Variants in SDK1 observed in about 807,000 individuals in gnomAD.
SDK1 encodes sidekick cell adhesion molecule 1, also known as protein sidekick-1.
A neutral mutation model predicts 245.5 loss-of-function variants in SDK1; 157 were observed. The ratio of observed to expected loss-of-function variants is 0.64; its 90% confidence interval spans 0.56 to 0.73. The LOEUF (loss-of-function observed/expected upper bound fraction) is 0.73. Ranked by LOEUF, SDK1 falls within the 30% of genes least tolerant of loss-of-function variation. The probability of loss-of-function intolerance (pLI) is 0.00; values close to 1 mark genes in which losing one functional copy is unlikely to be tolerated. For missense variants in SDK1, 3,583 were observed against 3,002.3 expected, an observed-to-expected ratio of 1.19 and a Z score of -4.52; for synonymous variants, 1,647 against 1,278.5, an observed-to-expected ratio of 1.29 and a Z score of -6.15.
chr7:4,100,410 A>G (rs1173774646), intron 22 of SDK1, among the ~76,000 whole-genome samples: 1 of 152,164 alleles, frequency 6.6e-6, no homozygotes, highest in Non-Finnish European at 1.5e-5. Context: ...CAAACTGGCC[A>G]GAATGCAGAG....
chr7:3,478,331 C>A (rs1462641155), intron 1 of SDK1, among the ~76,000 whole-genome samples: 1 of 151,956 alleles, frequency 6.6e-6, no homozygotes, highest in African/African-American at 2.4e-5. Flanking sequence ...GATAGATTCA[C>A]TCCATCCCTT....
At chr7:4,240,931 G>T (rs1256180558) in intron 42 of SDK1, among the ~76,000 whole-genome samples, 1 of 152,186 alleles carries the variant, frequency 6.6e-6, no homozygotes, top group Non-Finnish European at 1.5e-5. Flanking sequence ...TGACGCGGGG[G>T]TTTGCAGGGT....
Position 3,604,608 on chromosome 7 carries a change from T to C in SDK1, c.299-14472T>C, listed in dbSNP as rs1212590401. Reference sequence around the variant, plus strand: ...TTTCTTTTTCTTTTCTTTTCTTTTTTTTTTTTTTTTTGAGACAGAGTTTTG... The same window carrying C: ...TTTCTTTTTCTTTTCTTTTCTTTTTCTTTTTTTTTTTGAGACAGAGTTTTG... On this transcript the variant is annotated intron_variant, in intron 1 of 44. Transcript: ENST00000404826. Among the ~76,000 whole-genome samples, 18 of 148,070 alleles carry C rather than the reference T, an allele frequency of 1.2e-4. No individual in the cohort carries two copies. In the South Asian group the frequency reaches 1.3e-3, roughly 10 times the overall value.
At chr7:3,975,946 G>GC (rs1288197843) in intron 13 of SDK1, among the ~76,000 whole-genome samples, 15 of 138,076 alleles carry the variant, frequency 1.1e-4, no homozygotes, top group African/African-American at 3.2e-4. Context: ...TCCCGGGGCT[G>GC]AGGCTGCCAC....
chr7:4,125,857 A>T (rs1784363754), intron 25 of SDK1, among the ~76,000 whole-genome samples: 1 of 152,212 alleles, frequency 6.6e-6, no homozygotes, highest in African/African-American at 2.4e-5. Context: ...TAAGGAAGGT[A>T]GGCCAGGCTT....
chr7:3,645,092 G>T (rs1265429809), intron 4 of SDK1, among the ~76,000 whole-genome samples: 1 of 152,146 alleles, frequency 6.6e-6, no homozygotes, highest in Non-Finnish European at 1.5e-5. Flanking sequence ...ATATGCATGA[G>T]ACAGCACTTA....
At chr7:3,969,028 A>G (rs1458705927) in intron 10 of SDK1, among the ~76,000 whole-genome samples, 3 of 152,168 alleles carry the variant, frequency 2.0e-5, no homozygotes, top group Non-Finnish European at 4.4e-5. Flanking sequence ...AAACCATCAG[A>G]TCTCATGAGA....
At chr7:3,952,125 A>G (rs1780884252) in intron 7 of SDK1, 4 of 573,394 alleles carry the variant, frequency 7.0e-6, no homozygotes, top group African/African-American at 1.9e-5. Flanking sequence ...GATGTTCTCA[A>G]TCCTTCCAAG....
chr7:4,017,019 G>C (rs1414241377), intron 16 of SDK1, 152 bp from the exon 17 acceptor site: 1 of 640,360 alleles, frequency 1.6e-6, no homozygotes, highest in African/African-American at 1.9e-5. Context: ...AAATCATCGA[G>C]TTGGGAAATA....
At chr7:4,157,773 G>A (rs1780859637) in intron 30 of SDK1, among the ~76,000 whole-genome samples, 1 of 152,152 alleles carries the variant, frequency 6.6e-6, no homozygotes, top group Non-Finnish European at 1.5e-5. Flanking sequence ...TCCTCTCCCA[G>A]AGCTCGTGTG....
intron 1 of SDK1, among the ~76,000 whole-genome samples, chr7:3,546,748 T>C (rs1256671262): frequency 6.6e-6 from 1 of 152,206 alleles, no homozygotes; most frequent in African/African-American, 2.4e-5. Context: ...ATTGCACGGG[T>C]AGCGTCCTGG....
At chr7:3,491,163 T>C (rs117436069) in intron 1 of SDK1, among the ~76,000 whole-genome samples, 83 of 152,356 alleles carry the variant, frequency 5.4e-4, no homozygotes, top group Non-Finnish European at 1.0e-3. Context: ...AATTTGATTT[T>C]ACGGAAGTAT....
chr7:3,360,843 G>A (rs1780932089), intron 1 of SDK1, among the ~76,000 whole-genome samples: 1 of 151,740 alleles, frequency 6.6e-6, no homozygotes, highest in Non-Finnish European at 1.5e-5. Flanking sequence ...AGTGGGGGGA[G>A]TTATAATTTA....
At chr7:3,517,434 C>T (rs1225689947) in intron 1 of SDK1, among the ~76,000 whole-genome samples, 1 of 152,100 alleles carries the variant, frequency 6.6e-6, no homozygotes, top group Non-Finnish European at 1.5e-5. Context: ...CATCATGGTT[C>T]TACAGAACAG....
intron 5 of SDK1, among the ~76,000 whole-genome samples, chr7:3,933,837 G>A (rs893007056): frequency 4.6e-5 from 7 of 152,168 alleles, no homozygotes; most frequent in Non-Finnish European, 7.3e-5. Flanking sequence ...AAAAAGGGGG[G>A]TGACCTGTTG....
chr7:3,716,628 C>G (rs1037048274), intron 4 of SDK1, among the ~76,000 whole-genome samples: 1 of 151,856 alleles, frequency 6.6e-6, no homozygotes, highest in African/African-American at 2.4e-5. Flanking sequence ...AGGCGTGGTG[C>G]ACACCCCTGT....
Position 4,131,580 on chromosome 7 carries a change from T to C in SDK1, c.4130-745T>C, listed in dbSNP as rs572466247. 5.9e-5 allele frequency among the ~76,000 whole-genome samples: 9 copies of C among 152,348 alleles called. No individual in the cohort carries two copies. The South Asian group carries it at 1.7e-3, about 28-fold the overall frequency. On this transcript the variant is annotated intron_variant, in intron 27 of 44. Transcript: ENST00000404826. The stretch of plus-strand genomic sequence containing the variant: ...TGTTTCATGCCCATTGCCTCTTACC[T>C]GGGAATCGGTCAGTTATTAATTCCA...
At chr7:3,865,048 C>T (rs983994624) in intron 5 of SDK1, among the ~76,000 whole-genome samples, 6 of 152,196 alleles carry the variant, frequency 3.9e-5, no homozygotes, top group Admixed American at 6.5e-5. Flanking sequence ...ACCACTCAGA[C>T]GTCTTGGCTG....
intron 17 of SDK1, among the ~76,000 whole-genome samples, chr7:4,035,164 T>A (rs983958086): frequency 6.6e-6 from 1 of 151,824 alleles, no homozygotes; most frequent in Non-Finnish European, 1.5e-5. Flanking sequence ...TTCTTATCTT[T>A]AGTAGAGATG....
Sources: allele counts gnomAD v4.1 joint callset (sites outside exome capture counted in the v4.1 genomes callset), GRCh38; gene constraint gnomAD v4.1.1; transcripts MANE v1.5; gene names NCBI Gene and HGNC (gene_info 2026-07-23, HGNC 2026-07-21).